LRP1B: variants seen among roughly 807,000 people sequenced by gnomAD.
LRP1B encodes the protein LDL receptor related protein 1B, also known as low-density lipoprotein receptor-related protein 1B.
In LRP1B, 217 loss-of-function variants were observed where a neutral mutation model predicts 556.6. That is an observed-to-expected ratio of 0.39 (90% confidence interval 0.35 to 0.44). The LOEUF (loss-of-function observed/expected upper bound fraction) is 0.44, where lower values mean the gene tolerates loss of function less well. Ranked by LOEUF, LRP1B falls within the 20% of genes least tolerant of loss-of-function variation. The pLI is 1.00. For synonymous variants in LRP1B, 2,047 were observed against 1,865.8 expected, an observed-to-expected ratio of 1.10 and a Z score of -2.50; for missense variants, 5,053 against 5,620.8, an observed-to-expected ratio of 0.90 and a Z score of 3.23.
Position 141,096,619 on chromosome 2 carries a change from GGGGAGAGGGGGAGAGAGA to G in LRP1B, c.1014-34364_1014-34347del, listed in dbSNP as rs1462755825. Among the ~76,000 whole-genome samples, 59 of 34,010 alleles carry G rather than the reference GGGGAGAGGGGGAGAGAGA, an allele frequency of 1.7e-3. 1 individual carries two copies. Among genetic ancestry groups the G allele is most frequent in the South Asian group, 0.01 (7 of 672 alleles). 22.3% of individuals were successfully genotyped at this position (34,010 alleles called of 152,430 possible). On this transcript the variant is annotated intron_variant, in intron 7 of 90. Coordinates refer to ENST00000389484, the MANE Select transcript of LRP1B (RefSeq NM_018557.3). Reference sequence around the variant, plus strand: ...GCACCCTAGCCTGAATGACAAAGACGGGGAGAGGGGGAGAGAGAGAGAGAGAGAGAGAGAGAGAGAGAG... The same window carrying G: ...GCACCCTAGCCTGAATGACAAAGACGGAGAGAGAGAGAGAGAGAGAGAGAG...
At chr2:140,533,600 T>C (rs1416320881) in intron 47 of LRP1B, among the ~76,000 whole-genome samples, 1 of 152,162 alleles carries the variant, frequency 6.6e-6, no homozygotes, top group Non-Finnish European at 1.5e-5. Context: ...GGAAGATTTG[T>C]TGATGACTGG....
At chr2:140,264,963 G>GTA (rs1242110398) in intron 86 of LRP1B, among the ~76,000 whole-genome samples, 1 of 150,770 alleles carries the variant, frequency 6.6e-6, no homozygotes, top group Non-Finnish European at 1.5e-5. Context: ...TATGCAGTGA[G>GTA]TATATGTGTG....
rs557333770 is a variant in LRP1B, at chr2:142,126,204, G to A, written c.82+4444C>T. 5.9e-5 allele frequency among the ~76,000 whole-genome samples: 9 copies of A among 151,598 alleles called. No individual in the cohort carries two copies. The South Asian group carries it at 1.2e-3, about 21-fold the overall frequency. On this transcript the variant is annotated intron_variant, in intron 1 of 90. Coordinates refer to ENST00000389484, the MANE Select transcript of LRP1B (RefSeq NM_018557.3). The stretch of plus-strand genomic sequence containing the variant: ...GTTAAAACAAAATACTTGTTATATC[G>A]AAATGTATTAGAATATTATATGCTA...
chr2:142,086,789 T>C (rs534507002), intron 1 of LRP1B, among the ~76,000 whole-genome samples: 2 of 152,320 alleles, frequency 1.3e-5, no homozygotes, highest in East Asian at 1.9e-4. Flanking sequence ...CTACATATTA[T>C]CTGTCAATCC....
intron 2 of LRP1B, among the ~76,000 whole-genome samples, chr2:141,705,928 C>T (rs1692120161): frequency 6.6e-6 from 1 of 152,004 alleles, no homozygotes; most frequent in Non-Finnish European, 1.5e-5. Context: ...CTGCCCCCAA[C>T]CCACATTTCC....
chr2:140,697,637 T>C (rs1358771906), intron 41 of LRP1B, among the ~76,000 whole-genome samples: 2 of 152,082 alleles, frequency 1.3e-5, no homozygotes, highest in Non-Finnish European at 2.9e-5. Flanking sequence ...ATATGCTATA[T>C]CATGGATGCA....
chr2:140,614,411 A>T (rs1001067263), intron 41 of LRP1B, among the ~76,000 whole-genome samples: 18 of 151,906 alleles, frequency 1.2e-4, no homozygotes, highest in African/African-American at 4.4e-4. Flanking sequence ...AGTACTATTC[A>T]CCCCTCAAAG....
intron 43 of LRP1B, among the ~76,000 whole-genome samples, chr2:140,546,708 GAC>G (rs1574066009): frequency 6.6e-6 from 1 of 152,108 alleles, no homozygotes; most frequent in East Asian, 1.9e-4. Flanking sequence ...TTTGGGTGGA[GAC>G]ACAGCCAAAC....
chr2:141,219,622 CCTGA>C (rs1405939020), intron 6 of LRP1B, among the ~76,000 whole-genome samples: 4 of 152,162 alleles, frequency 2.6e-5, no homozygotes, highest in Non-Finnish European at 5.9e-5. Flanking sequence ...TCACATGCCT[CCTGA>C]CTGTTTGAGA....
chr2:141,617,449 A>G (rs970350184), intron 2 of LRP1B, among the ~76,000 whole-genome samples: 1 of 152,216 alleles, frequency 6.6e-6, no homozygotes, highest in Non-Finnish European at 1.5e-5. Context: ...ACTGCAGGAC[A>G]GAATGGAGCA....
At chr2:140,696,853 T>C (rs1242825740) in intron 41 of LRP1B, among the ~76,000 whole-genome samples, 1 of 152,192 alleles carries the variant, frequency 6.6e-6, no homozygotes, top group African/African-American at 2.4e-5. Flanking sequence ...CCAGTTCTTG[T>C]TGTTCAAAAG....
At position 141,923,095 on chromosome 2, in the gene LRP1B, T is replaced by C. The variant is rs1194968828; in HGVS notation, c.83-112694A>G. 2.0e-5 allele frequency among the ~76,000 whole-genome samples: 3 copies of C among 151,958 alleles called. No homozygotes were observed. In the South Asian group the frequency reaches 6.2e-4, roughly 32 times the overall value. ...GCCTGGGTGACAGAGTGAGACACTG[T>C]CTCAAAAATAAAGATTAAAAATAAA... On this transcript the variant is annotated intron_variant, in intron 1 of 90. Coordinates refer to ENST00000389484, the MANE Select transcript of LRP1B (RefSeq NM_018557.3).
intron 83 of LRP1B, among the ~76,000 whole-genome samples, chr2:140,303,745 G>T (rs1315702247): frequency 6.6e-6 from 1 of 151,920 alleles, no homozygotes; most frequent in Non-Finnish European, 1.5e-5. Context: ...TGCCATGTTG[G>T]TGTGCTGCAC....
At chr2:140,836,400 T>G (rs76104800) in intron 31 of LRP1B, among the ~76,000 whole-genome samples, 9,370 of 152,262 alleles carry the variant, frequency 0.062, 358 homozygotes, top group African/African-American at 0.1. Flanking sequence ...CCCAACCATG[T>G]TGTCCCTGAA....
chr2:141,815,677 G>A (rs1254315223), intron 1 of LRP1B, among the ~76,000 whole-genome samples: 1 of 152,154 alleles, frequency 6.6e-6, no homozygotes, highest in Non-Finnish European at 1.5e-5. Flanking sequence ...ACGGAACATG[G>A]GAGGGGACAA....
At chr2:140,520,457 G>T (rs1690112689) in intron 49 of LRP1B, among the ~76,000 whole-genome samples, 1 of 152,014 alleles carries the variant, frequency 6.6e-6, no homozygotes, top group African/African-American at 2.4e-5. Flanking sequence ...GTCTGTTTTG[G>T]GGTTGGGGGA....
At chr2:142,107,729 G>C (rs1040795944) in intron 1 of LRP1B, among the ~76,000 whole-genome samples, 19 of 151,382 alleles carry the variant, frequency 1.3e-4, no homozygotes, top group African/African-American at 4.6e-4. Context: ...CTGGGTTCAA[G>C]CGATTCTCCT....
At chr2:141,682,273 T>C (rs951187584) in intron 2 of LRP1B, among the ~76,000 whole-genome samples, 2 of 151,878 alleles carry the variant, frequency 1.3e-5, no homozygotes, top group Admixed American at 6.6e-5. Context: ...ATTACATATA[T>C]GCACTATTTA....
intron 65 of LRP1B, among the ~76,000 whole-genome samples, chr2:140,443,112 G>A (rs527386780): frequency 6.6e-6 from 1 of 152,286 alleles, no homozygotes; most frequent in African/African-American, 2.4e-5. Context: ...CCAGGCTGGA[G>A]TTCAGTGACA....
Sources: gnomAD v4.1 joint callset for allele counts (sites outside exome capture counted in the v4.1 genomes callset) on GRCh38, gnomAD v4.1.1 for gene constraint, MANE v1.5 for transcripts, NCBI Gene and HGNC (gene_info 2026-07-23, HGNC 2026-07-21) for gene names.